Variants in APC observed in about 807,000 individuals in gnomAD.
APC encodes the protein APC regulator of Wnt signaling pathway.
In APC, 72 loss-of-function variants were observed where a neutral mutation model predicts 247.0. The observed-to-expected ratio is 0.29, with a 90% confidence interval of 0.24 to 0.35. The LOEUF (loss-of-function observed/expected upper bound fraction) is 0.35, where lower values mean the gene tolerates loss of function less well. Ranked by LOEUF, APC falls within the 10% of genes least tolerant of loss-of-function variation. The pLI is 1.00. For missense variants in APC, 3,400 were observed against 3,360.7 expected, an observed-to-expected ratio of 1.01 and a Z score of -0.29; for synonymous variants, 1,254 against 1,162.5, an observed-to-expected ratio of 1.08 and a Z score of -1.60.
At chr5:112,718,337 G>A (rs895814385) in intron 1 of APC, among the ~76,000 whole-genome samples, 4 of 152,132 alleles carry the variant, frequency 2.6e-5, no homozygotes, top group African/African-American at 9.7e-5. Context: ...AGTGCCTGGG[G>A]GTGTGAGAAC....
At chr5:112,836,292 A>G in intron 15 of APC, among the ~76,000 whole-genome samples, 1 of 151,568 alleles carries the variant, frequency 6.6e-6, no homozygotes, top group Non-Finnish European at 1.5e-5. Flanking sequence ...CGGCCTCCCA[A>G]AGTGCTGGGA....
rs1064793776 is a variant in APC, at chr5:112,838,437, C to G, written c.2843C>G (p.Ser948Cys). 6.2e-6 allele frequency: 10 copies of G among 1,614,042 alleles called. No homozygotes were observed. The highest frequency in any genetic ancestry group is 8.5e-6 in the Non-Finnish European group (10 of 1,180,036). The change falls in exon 16 of 16, where the codon TCT becomes TGT. Residue 948 changes from serine to cysteine, a missense_variant. Ser to Cys is a moderately radical substitution (Grantham distance 112, BLOSUM62 -1). Coordinates refer to ENST00000257430, the MANE Select transcript of APC (RefSeq NM_000038.6). ...TKSENSNRTC[S>C]MPYAKLEYKR... is the part of the protein sequence containing the mutation. ...TCGGAAAATTCAAATAGGACATGTT[C>G]TATGCCTTATGCCAAATTAGAATAC...
At chr5:112,757,714 A>G (rs1443906228) in intron 2 of APC, among the ~76,000 whole-genome samples, 1 of 152,144 alleles carries the variant, frequency 6.6e-6, no homozygotes, top group Non-Finnish European at 1.5e-5. Flanking sequence ...CAAAACAAAA[A>G]ACAGCAAAAA....
intron 1 of APC, among the ~76,000 whole-genome samples, chr5:112,708,283 C>T (rs868157564): frequency 6.6e-6 from 1 of 152,174 alleles, no homozygotes; most frequent in Middle Eastern, 3.2e-3. Flanking sequence ...ACCTGATAGC[C>T]CGGCATGTGG....
intron 14 of APC, among the ~76,000 whole-genome samples, chr5:112,834,390 T>A (rs935823404): frequency 1.3e-5 from 2 of 151,872 alleles, no homozygotes; most frequent in African/African-American, 4.8e-5. Flanking sequence ...TACAGGCACC[T>A]GCCATGAAGC....
At chr5:112,817,495 A>C (rs950952582) in intron 9 of APC, among the ~76,000 whole-genome samples, 2 of 152,198 alleles carry the variant, frequency 1.3e-5, no homozygotes, top group East Asian at 3.8e-4. Flanking sequence ...TGAAGTATCC[A>C]TATTTCTCTA....
At chr5:112,833,432 T>C (rs1398974820) in intron 14 of APC, among the ~76,000 whole-genome samples, 1 of 151,638 alleles carries the variant, frequency 6.6e-6, no homozygotes, top group Non-Finnish European at 1.5e-5. Context: ...CCGTGCACCT[T>C]GGCCCCTCAA....
Position 112,842,905 on chromosome 5 carries a change from A to G in APC, c.7311A>G (p.Leu2437=), listed in dbSNP as rs745815339. The change falls in exon 16 of 16, where the codon TTA becomes TTG. Residue 2437 remains leucine (L), a synonymous_variant. Transcript: ENST00000257430. ...CTGATAGATCAGAAAGACCTGTATT[A>G]GTACGCCAGTCAACTTTCATCAAAG... ...SESDRSERPV[L]VRQSTFIKEA... is the part of the protein sequence containing the mutation. 6.2e-7 allele frequency: 1 copy of G among 1,613,976 alleles called. No individual in the cohort carries two copies. The highest frequency in any genetic ancestry group is 8.5e-7 in the Non-Finnish European group (1 of 1,179,944).
intron 4 of APC, among the ~76,000 whole-genome samples, chr5:112,770,150 A>G (rs530345122): frequency 6.6e-6 from 1 of 152,332 alleles, no homozygotes; most frequent in African/African-American, 2.4e-5. Context: ...TTTTACTGCA[A>G]ATACTAGTAA....
At chr5:112,821,520 T>G (rs1311424871) in intron 10 of APC, among the ~76,000 whole-genome samples, 1 of 151,964 alleles carries the variant, frequency 6.6e-6, no homozygotes, top group African/African-American at 2.4e-5. Context: ...TTTTTGTTGT[T>G]TTTTTAAAGA....
Position 112,839,339 on chromosome 5 carries a change from T to A in APC, c.3745T>A (p.Cys1249Ser), listed in dbSNP as rs1417740204. Residue 1249 changes from cysteine to serine, a missense_variant, in exon 16 of 16, where the codon TGC becomes AGC. Cys to Ser is a moderately radical substitution (Grantham distance 112, BLOSUM62 -1). Coordinates refer to ENST00000257430, the MANE Select transcript of APC (RefSeq NM_000038.6). This position sits in a 1 kb window ranked among gnomAD's most constrained non-coding sequence, Gnocchi z 5.0. ...RSGQPQKAAT[C>S]KVSSINQETI... Reference sequence around the variant, plus strand: ...TGGTCAGCCTCAAAAGGCTGCCACTTGCAAAGTTTCTTCTATTAACCAAGA... The same window carrying A: ...TGGTCAGCCTCAAAAGGCTGCCACTAGCAAAGTTTCTTCTATTAACCAAGA... 1.9e-6 allele frequency: 3 copies of A among 1,613,134 alleles called. No homozygotes were observed. The Admixed American group carries it at 5.0e-5, about 27-fold the overall frequency.
chr5:112,835,279 T>C, intron 15 of APC, 114 bp downstream of exon 15: 1 of 921,010 alleles, frequency 1.1e-6, no homozygotes, highest in Non-Finnish European at 1.7e-6. Flanking sequence ...AATATATTTA[T>C]TACTGTGAAA....
chr5:112,796,377 A>C (rs986144360), intron 7 of APC, among the ~76,000 whole-genome samples: 2 of 152,168 alleles, frequency 1.3e-5, no homozygotes, highest in African/African-American at 4.8e-5. Flanking sequence ...CTTTCAAAAA[A>C]CATTTTCATC....
intron 8 of APC, among the ~76,000 whole-genome samples, chr5:112,811,488 C>G (rs1761978803): frequency 6.6e-6 from 1 of 152,160 alleles, no homozygotes; most frequent in African/African-American, 2.4e-5. Flanking sequence ...GGACCAAGTT[C>G]TAGGCTCATA....
At chr5:112,779,403 G>C in intron 5 of APC, among the ~76,000 whole-genome samples, 1 of 152,158 alleles carries the variant, frequency 6.6e-6, no homozygotes, top group South Asian at 2.1e-4. Context: ...AAGATCAGTT[G>C]TCAAGTTAAT....
At chr5:112,836,801 A>G (rs753465418) in intron 15 of APC, among the ~76,000 whole-genome samples, 3 of 151,808 alleles carry the variant, frequency 2.0e-5, no homozygotes, top group African/African-American at 7.3e-5. Flanking sequence ...CTGCCTCCCA[A>G]GTGATTCTCC....
chr5:112,837,091 T>G (rs928070843), intron 15 of APC, among the ~76,000 whole-genome samples: 1 of 152,220 alleles, frequency 6.6e-6, no homozygotes, highest in African/African-American at 2.4e-5. Context: ...ATCTAAGAGC[T>G]TATAATGTGC....
rs547190184 is a variant in APC, at chr5:112,720,334, C to T, written c.165+12452C>T. 8.5e-5 allele frequency among the ~76,000 whole-genome samples: 13 copies of T among 152,244 alleles called. 1 individual carries two copies. The South Asian group carries it at 2.5e-3, about 29-fold the overall frequency. ...TCTTTGCTAGAAGAAAATACTAAGT[C>T]AAAGATTCCTATTATAGTTCCTTCT... On this transcript the variant is annotated intron_variant, in intron 1 of 13. Transcript: ENST00000507379.
chr5:112,775,602 T>G (rs1757536999), intron 4 of APC, 27 bp from the exon 5 acceptor site: 5 of 1,395,512 alleles, frequency 3.6e-6, no homozygotes, highest in Non-Finnish European at 5.1e-6. Context: ...TGTTTAAACG[T>G]ACCTTTTTTT....
Sources: allele counts gnomAD v4.1 joint callset (sites outside exome capture counted in the v4.1 genomes callset), GRCh38; gene constraint gnomAD v4.1.1; non-coding constraint Gnocchi (gnomAD v3.1); transcripts MANE v1.5; gene names NCBI Gene and HGNC (gene_info 2026-07-23, HGNC 2026-07-21).